Variants in CLSPN observed in about 807,000 individuals in gnomAD.
CLSPN encodes claspin homolog.
In CLSPN, 85 loss-of-function variants were observed where a neutral mutation model predicts 156.3. The observed-to-expected ratio is 0.54, with a 90% confidence interval of 0.46 to 0.65. The LOEUF is 0.65. Among genes scored for constraint, CLSPN ranks in the 30% least tolerant of loss-of-function variants. CLSPN has a pLI of 0.00. For synonymous variants in CLSPN, 534 were observed against 542.4 expected (o/e 0.98, Z 0.22); for missense variants, 1,407 against 1,554.9 (o/e 0.90, Z 1.60).
chr1:35,747,326 A>G (rs972750985), intron 14 of CLSPN, among the ~76,000 whole-genome samples: 5 of 152,134 alleles, frequency 3.3e-5, no homozygotes, highest in Non-Finnish European at 7.4e-5. Flanking sequence ...TGCCTCAAAA[A>G]AAAAAATAAA....
intron 9 of CLSPN, among the ~76,000 whole-genome samples, chr1:35,752,440 T>C (rs1359328930): frequency 6.6e-6 from 1 of 152,202 alleles, no homozygotes; most frequent in Admixed American, 6.5e-5. Context: ...TAGCCAGGCA[T>C]GGTGGCAGGC....
chr1:35,738,522 T>C lies in CLSPN; in HGVS notation c.3491A>G (p.Gln1164Arg), dbSNP rs757606384. ...RDSDDDQTEE[Q>R]LDESEARWRK... ...CCACCTGGCTTCTGACTCATCAAGC[T>C]GTTCTTCAGTCTGATCATCATCAGA... is the stretch of plus-strand genomic sequence containing the variant. The change falls in exon 21 of 25, where the codon CAG becomes CGG. Residue 1164 changes from glutamine to arginine, a missense_variant. Gln to Arg is a conservative substitution (Grantham distance 43, BLOSUM62 1). Coordinates refer to ENST00000318121, the MANE Select transcript of CLSPN (RefSeq NM_022111.4). The C allele has an allele frequency of 1.2e-6, 2 of 1,614,046 alleles. No homozygotes were observed. Among genetic ancestry groups the C allele is most frequent in the Non-Finnish European group, 1.7e-6 (2 of 1,179,934 alleles).
chr1:35,739,907 T>C (rs1274595897), intron 18 of CLSPN, among the ~76,000 whole-genome samples: 1 of 152,216 alleles, frequency 6.6e-6, no homozygotes. Context: ...TTTACAGGCA[T>C]TAACATATTA....
At chr1:35,747,858 A>G in intron 14 of CLSPN, 49 bp downstream of exon 14, 1 of 1,552,664 alleles carries the variant, frequency 6.4e-7, no homozygotes, top group South Asian at 1.2e-5. Context: ...AAACAAAATT[A>G]AGCAGTACCC....
intron 9 of CLSPN, 36 bp from the exon 10 acceptor site, chr1:35,751,542 T>A: frequency 6.3e-7 from 1 of 1,583,032 alleles, no homozygotes; most frequent in Non-Finnish European, 8.6e-7. Context: ...TTAGACATAA[T>A]ACAATAATTA....
rs774474409 is a variant in CLSPN at position 35,762,061 on chromosome 1, C to G, written c.832G>C (p.Ala278Pro). 4 of 1,609,652 alleles carry G rather than the reference C, an allele frequency of 2.5e-6. No individual in the cohort carries two copies. In the South Asian group the frequency reaches 4.4e-5, roughly 18 times the overall value. Residue 278 changes from alanine (A) to proline (P), a missense_variant, in exon 6 of 25, where the codon GCA becomes CCA. Physicochemically the swap from Ala to Pro is conservative, Grantham distance 27. Coordinates refer to ENST00000318121, the MANE Select transcript of CLSPN (RefSeq NM_022111.4). Reference sequence around the variant, plus strand: ...AATGCTTCTTTACTTAATCTGGCTGCCTTTCTTTCCTTAAAGAAAACAAGA... The same window carrying G: ...AATGCTTCTTTACTTAATCTGGCTGGCTTTCTTTCCTTAAAGAAAACAAGA... ...SKGTTRKERK[A>P]ARLSKEALKQ...
In CLSPN at chr1:35,746,099, C is replaced by T. The variant is rs2148617512; in HGVS notation, c.2855-537G>A. Among the ~76,000 whole-genome samples the T allele has an allele frequency of 6.6e-6, 1 of 152,178 alleles. No homozygotes were observed. The stretch of plus-strand genomic sequence containing the variant: ...TAGCTGCGATTACAGGCACGGGCCA[C>T]CATGCCCAGATAATTTTTTGTATTT... On this transcript the variant is annotated intron_variant, in intron 15 of 24. Coordinates refer to ENST00000318121, the MANE Select transcript of CLSPN (RefSeq NM_022111.4). This position sits in a 1 kb window ranked among gnomAD's most constrained non-coding sequence, Gnocchi z 4.2.
At position 35,769,882 on chromosome 1, in the gene CLSPN, C is replaced by T. The variant is rs1353779647; in HGVS notation, c.-12G>A. 4 of 1,609,562 alleles carry T rather than the reference C, an allele frequency of 2.5e-6. No individual in the cohort carries two copies. Among genetic ancestry groups the T allele is most frequent in the Non-Finnish European group, 1.7e-6 (2 of 1,177,964 alleles). Reference sequence around the variant, plus strand: ...ACCTCGCCTGTCATGACTTCTGCCTCCCCTGCGCTCCACTAGGGACGGAGC... The same window carrying T: ...ACCTCGCCTGTCATGACTTCTGCCTTCCCTGCGCTCCACTAGGGACGGAGC... On this transcript the variant is annotated 5_prime_UTR_variant, in exon 1 of 25. Transcript: ENST00000318121.
intron 23 of CLSPN, 49 bp from the exon 24 acceptor site, chr1:35,737,124 G>A: frequency 6.3e-7 from 1 of 1,575,734 alleles, no homozygotes; most frequent in Non-Finnish European, 8.7e-7. Flanking sequence ...GCCAACTAAA[G>A]AATGAAAAGT....
In CLSPN at chr1:35,732,634, GCCT is replaced by G; in HGVS notation, c.*3859_*3861del. ...GAAGAAACAAAAACACTGACACTGA[GCCT>G]ACCCTATCTCCCACACTCATGGGCT... On this transcript the variant is annotated 3_prime_UTR_variant, in exon 25 of 25. Coordinates refer to ENST00000318121, the MANE Select transcript of CLSPN (RefSeq NM_022111.4). 1.0e-6 allele frequency: 1 copy of G among 985,424 alleles called. No individual in the cohort carries two copies. The highest frequency in any genetic ancestry group is 1.2e-6 in the Non-Finnish European group (1 of 829,928). The allele number at this position is 985,424 out of a possible 1,614,324, so 61.0% of individuals were successfully genotyped here.
At chr1:35,769,611 C>T (rs1337932823) in intron 1 of CLSPN, among the ~76,000 whole-genome samples, 1 of 152,212 alleles carries the variant, frequency 6.6e-6, no homozygotes, top group Non-Finnish European at 1.5e-5. Flanking sequence ...GCCGCAGAGA[C>T]CTGGAGCTCT....
chr1:35,733,988 G>A lies in CLSPN; in HGVS notation c.*2508C>T, dbSNP rs139953459. On this transcript the variant is annotated 3_prime_UTR_variant, in exon 25 of 25. Coordinates refer to ENST00000318121, the MANE Select transcript of CLSPN (RefSeq NM_022111.4). ...GAATGAGACTGTCTCTAAAAAATAAGTTTTTTAAACAAAGAGCTATAATAG... is the reference window on the plus strand; with the variant it reads ...GAATGAGACTGTCTCTAAAAAATAAATTTTTTAAACAAAGAGCTATAATAG... 148 of 983,796 alleles carry A rather than the reference G, an allele frequency of 1.5e-4. No homozygotes were observed. The African/African-American group carries it at 2.3e-3, about 15-fold the overall frequency. 60.9% of individuals were successfully genotyped at this position (983,796 alleles called of 1,614,324 possible).
At chr1:35,768,719 T>C (rs1642761432) in intron 1 of CLSPN, among the ~76,000 whole-genome samples, 2 of 152,066 alleles carry the variant, frequency 1.3e-5, no homozygotes, top group African/African-American at 4.8e-5. Context: ...GCACTGATGA[T>C]CCTCTCAACA....
Position 35,732,800 on chromosome 1 carries a change from G to A in CLSPN, c.*3696C>T. ...TCAGTGCTTTGGGCAAAGGGCATAT[G>A]GGTCAGATTGAAACTGTCCATGTCA... On this transcript the variant is annotated 3_prime_UTR_variant, in exon 25 of 25. Coordinates refer to ENST00000318121, the MANE Select transcript of CLSPN (RefSeq NM_022111.4). 1 of 985,358 alleles carries A rather than the reference G, an allele frequency of 1.0e-6. No individual in the cohort carries two copies. The highest frequency in any genetic ancestry group is 1.2e-6 in the Non-Finnish European group (1 of 829,926). The allele number at this position is 985,358 out of a possible 1,614,324, so 61.0% of individuals were successfully genotyped here.
rs1004622535 is a variant in CLSPN at position 35,734,581 on chromosome 1, C to T, written c.*1915G>A. The T allele has an allele frequency of 3.4e-5, 11 of 322,274 alleles. No individual in the cohort carries two copies. The highest frequency in any genetic ancestry group is 3.5e-4 in the East Asian group (2 of 5,784). The allele number at this position is 322,274 out of a possible 1,614,324, so 20.0% of individuals were successfully genotyped here. On this transcript the variant is annotated 3_prime_UTR_variant, in exon 25 of 25. Coordinates refer to ENST00000318121, the MANE Select transcript of CLSPN (RefSeq NM_022111.4). ...CTGTAATCCCTGCTATTTGGGAGGCCGAGGCAGAATTGCTTGAACCTAGGA... is the reference window on the plus strand; with the variant it reads ...CTGTAATCCCTGCTATTTGGGAGGCTGAGGCAGAATTGCTTGAACCTAGGA...
intron 8 of CLSPN, among the ~76,000 whole-genome samples, chr1:35,755,783 A>C (rs762574608): frequency 3.9e-5 from 6 of 152,054 alleles, no homozygotes; most frequent in Non-Finnish European, 7.4e-5. Flanking sequence ...ATCACAGCTC[A>C]CTGCAACCTT....
Position 35,746,994 on chromosome 1 carries a change from T to C in CLSPN, c.2628-2A>G. ...CTGTGGTTTCTAACATTTAAGAACC[T>C]AAGAACCAATGAGCACAACGAATAG... On this transcript the variant is annotated splice_acceptor_variant, in intron 14 of 24. Coordinates refer to ENST00000318121, the MANE Select transcript of CLSPN (RefSeq NM_022111.4). LOFTEE classifies it high-confidence loss of function. The surrounding 1 kb of genome is among the most constrained non-coding windows in gnomAD (Gnocchi z 4.2). 1 of 1,609,588 alleles carries C rather than the reference T, an allele frequency of 6.2e-7. No individual in the cohort carries two copies.
Position 35,734,402 on chromosome 1 carries a change from G to T in CLSPN, c.*2094C>A. ...ATTAGAAAACTGTAGAAAACCGGCCGGGTGCGGTGGCTCATGCCTATAATC... is the reference window on the plus strand; with the variant it reads ...ATTAGAAAACTGTAGAAAACCGGCCTGGTGCGGTGGCTCATGCCTATAATC... On this transcript the variant is annotated 3_prime_UTR_variant, in exon 25 of 25. Transcript: ENST00000318121. The T allele has an allele frequency of 1.0e-6, 1 of 984,870 alleles. No individual in the cohort carries two copies. The highest frequency in any genetic ancestry group is 1.7e-5 in the African/African-American group (1 of 57,298). 61.0% of individuals were successfully genotyped at this position (984,870 alleles called of 1,614,324 possible). A position where few individuals can be genotyped will look rare whatever the true frequency, so the allele number is the denominator to read the frequency against.
chr1:35,728,972 A>G (rs1165231086), downstream of CLSPN, among the ~76,000 whole-genome samples: 1 of 133,154 alleles, frequency 7.5e-6, no homozygotes, highest in Non-Finnish European at 1.6e-5. Flanking sequence ...ACACACACAC[A>G]CACACACACG....
Sources: allele counts gnomAD v4.1 joint callset (sites outside exome capture counted in the v4.1 genomes callset), GRCh38; gene constraint gnomAD v4.1.1; non-coding constraint Gnocchi (gnomAD v3.1); transcripts MANE v1.5; gene names NCBI Gene and HGNC (gene_info 2026-07-23, HGNC 2026-07-21).